The following WWP1 variants were observed in gnomAD, a reference collection of about 807,000 sequenced individuals.
WWP1 encodes the protein WW domain containing E3 ubiquitin protein ligase 1, also known as NEDD4-like E3 ubiquitin-protein ligase WWP1.
In WWP1, 49 loss-of-function variants were observed where a neutral mutation model predicts 130.6. The ratio of observed to expected loss-of-function variants is 0.38; its 90% CI spans 0.30 to 0.48. WWP1 has a LOEUF of 0.48. Ranked by LOEUF, WWP1 falls within the 20% of genes least tolerant of loss-of-function variation. The pLI is 0.99. For missense variants in WWP1, 809 were observed against 1,100.6 expected (o/e 0.74, Z 3.75); for synonymous variants, 332 against 367.8 (o/e 0.90, Z 1.11).
intron 1 of WWP1, among the ~76,000 whole-genome samples, chr8:86,350,592 A>C (rs1822861059): frequency 6.6e-6 from 1 of 152,240 alleles, no homozygotes; most frequent in Non-Finnish European, 1.5e-5. Context: ...GCCAGGGCAC[A>C]AAGAAGGGCA....
chr8:86,428,904 G>A (rs1390465985), intron 11 of WWP1, among the ~76,000 whole-genome samples: 1 of 152,130 alleles, frequency 6.6e-6, no homozygotes, highest in Admixed American at 6.6e-5. Flanking sequence ...GGTGAACAGG[G>A]CAGAATGAGG....
In WWP1 at chr8:86,452,606, A is replaced by T. The variant is rs1044127879; in HGVS notation, c.2321A>T (p.Lys774Ile). 5 of 1,613,038 alleles carry T rather than the reference A, an allele frequency of 3.1e-6. No homozygotes were observed. The African/African-American group carries it at 5.3e-5, about 17-fold the overall frequency. Residue 774 changes from lysine (K) to isoleucine (I), a missense_variant, in exon 21 of 25, where the codon AAA becomes ATA. Transcript: ENST00000517970. ...TCTCGAGGAGTACAAGAACAGACCA[A>T]AGCTTTCCTTGATGGTTTTAATGAA... ...RFSRGVQEQT[K>I]AFLDGFNEVV...
chr8:86,447,638 G>C (rs1474677996), intron 18 of WWP1, among the ~76,000 whole-genome samples: 2 of 152,120 alleles, frequency 1.3e-5, no homozygotes, highest in African/African-American at 4.8e-5. Context: ...TCATGAGGGG[G>C]CTAAGGTAGT....
chr8:86,426,405 A>G (rs1809628063), intron 10 of WWP1, among the ~76,000 whole-genome samples: 2 of 152,202 alleles, frequency 1.3e-5, no homozygotes, highest in South Asian at 4.1e-4. Context: ...GGAGTTTACA[A>G]TCATTTTATA....
chr8:86,379,053 T>C (rs1563479997), intron 3 of WWP1, among the ~76,000 whole-genome samples: 1 of 152,220 alleles, frequency 6.6e-6, no homozygotes, highest in Non-Finnish European at 1.5e-5. Context: ...TCCCTCTGCT[T>C]TTAACACCAT....
intron 3 of WWP1, 79 bp downstream of exon 3, chr8:86,374,199 A>G (rs988103576): frequency 1.7e-6 from 2 of 1,202,858 alleles, no homozygotes; most frequent in Non-Finnish European, 2.4e-6. Context: ...GACTTATTCC[A>G]GAAATAGAAT....
intron 8 of WWP1, among the ~76,000 whole-genome samples, chr8:86,409,320 A>G (rs1808456099): frequency 7.5e-6 from 1 of 132,840 alleles, no homozygotes; most frequent in Non-Finnish European, 1.5e-5. Context: ...TGCAACCTCT[A>G]CCTCCCGGAT....
intron 1 of WWP1, among the ~76,000 whole-genome samples, chr8:86,362,097 T>C (rs60489811): frequency 0.13 from 18,349 of 137,374 alleles, 3,748 homozygotes; most frequent in African/African-American, 0.45. Flanking sequence ...CATATATATA[T>C]ACACTAGGCA....
chr8:86,464,393 A>G (rs1389946450), intron 24 of WWP1, among the ~76,000 whole-genome samples: 1 of 152,212 alleles, frequency 6.6e-6, no homozygotes, highest in Non-Finnish European at 1.5e-5. Context: ...TTTTCCCATT[A>G]AAATGTTATG....
intron 1 of WWP1, among the ~76,000 whole-genome samples, chr8:86,350,906 A>C (rs1822883722): frequency 6.6e-6 from 1 of 152,174 alleles, no homozygotes; most frequent in South Asian, 2.1e-4. Context: ...GAATTAGTTA[A>C]ATGAACCTGT....
At chr8:86,424,485 A>G (rs11783125) in intron 9 of WWP1, among the ~76,000 whole-genome samples, 55,306 of 150,742 alleles carry the variant, frequency 0.37, 10,763 homozygotes, top group Middle Eastern at 0.47. Context: ...GCTAGCCGAG[A>G]TCACGCCACT....
In WWP1 at chr8:86,467,120, GA is replaced by G. The variant is rs1812218424; in HGVS notation, c.*229del. On this transcript the variant is annotated 3_prime_UTR_variant, in exon 25 of 25. Coordinates refer to ENST00000517970, the MANE Select transcript of WWP1 (RefSeq NM_007013.4). ...AGGAAAAAGATCATCCTTAAATTTT[GA>G]AGCAAGTGAGAGACTTTATTAAAAA... 2.5e-6 allele frequency: 1 copy of G among 397,042 alleles called. No homozygotes were observed. Among genetic ancestry groups the G allele is most frequent in the African/African-American group, 2.1e-5 (1 of 47,216 alleles). The allele number at this position is 397,042 out of a possible 1,614,324, so 24.6% of individuals were successfully genotyped here. A position where few individuals can be genotyped will look rare whatever the true frequency, so the allele number is the denominator to read the frequency against.
chr8:86,402,168 C>T lies in WWP1; in HGVS notation c.689C>T (p.Pro230Leu), dbSNP rs1305321704. 6.2e-7 allele frequency: 1 copy of T among 1,613,882 alleles called. No homozygotes were observed. Among genetic ancestry groups the T allele is most frequent in the East Asian group, 2.2e-5 (1 of 44,858 alleles). ...GCCAGACCCAAAAATACACCAGCTC[C>T]AAAACCACTCGCATCTGAGCCTGCC... ...VAARPKNTPA[P>L]KPLASEPADD... The change falls in exon 8 of 25, where the codon CCA becomes CTA. Residue 230 changes from proline (P) to leucine (L), a missense_variant. By Grantham distance (98) the Pro-to-Leu change is moderately conservative. Around this residue, in one of 3 missense-constraint regions of WWP1, gnomAD observed 262 missense variants for 346.0 expected, o/e 0.76. Coordinates refer to ENST00000517970, the MANE Select transcript of WWP1 (RefSeq NM_007013.4).
intron 5 of WWP1, among the ~76,000 whole-genome samples, chr8:86,392,082 A>G (rs1025461575): frequency 1.3e-4 from 20 of 152,314 alleles, no homozygotes; most frequent in Middle Eastern, 3.4e-3. Context: ...GTTATCCCTA[A>G]GAGCCTTGAA....
At chr8:86,410,030 A>T (rs553778467) in intron 8 of WWP1, among the ~76,000 whole-genome samples, 3 of 152,278 alleles carry the variant, frequency 2.0e-5, no homozygotes, top group Admixed American at 6.5e-5. Flanking sequence ...TATGACGTTT[A>T]TCCTTTAATC....
At chr8:86,442,354 C>G (rs1040422664) in intron 17 of WWP1, 2 of 228,570 alleles carry the variant, frequency 8.8e-6, no homozygotes, top group Non-Finnish European at 1.7e-5. Context: ...AGGAGACATA[C>G]CCAAGCAAAA....
rs553904962 is a variant in WWP1 at position 86,424,742 on chromosome 8, C to T, written c.1062-481C>T. Among the ~76,000 whole-genome samples the T allele has an allele frequency of 2.0e-5, 3 of 149,634 alleles. No individual in the cohort carries two copies. In the East Asian group the frequency reaches 6.0e-4, roughly 30 times the overall value. On this transcript the variant is annotated intron_variant, in intron 9 of 24. Coordinates refer to ENST00000517970, the MANE Select transcript of WWP1 (RefSeq NM_007013.4). Reference sequence around the variant, plus strand: ...ATCAGGCAGGGAGGTTGCAGTGAGCCGAGATGGCAGCGGTACAGTCCAGCT... The same window carrying T: ...ATCAGGCAGGGAGGTTGCAGTGAGCTGAGATGGCAGCGGTACAGTCCAGCT...
chr8:86,422,323 T>TATGTATGTATGTATGTATG (rs769712215), intron 9 of WWP1, among the ~76,000 whole-genome samples: 1 of 69,492 alleles, frequency 1.4e-5, no homozygotes, highest in African/African-American at 3.2e-5. Flanking sequence ...CAGTTTGTAT[T>TATGTATGTATGTATGTATG]TATTTATTTA....
intron 10 of WWP1, among the ~76,000 whole-genome samples, chr8:86,426,121 A>G (rs1809611273): frequency 6.6e-6 from 1 of 152,242 alleles, no homozygotes; most frequent in Non-Finnish European, 1.5e-5. Flanking sequence ...TTGACCCTAC[A>G]GTGTTAAATG....
Sources: gnomAD v4.1 joint callset for allele counts (sites outside exome capture counted in the v4.1 genomes callset) on GRCh38, gnomAD v4.1.1 for gene constraint, gnomAD v4.1.1 regional missense constraint, MANE v1.5 for transcripts, NCBI Gene and HGNC (gene_info 2026-07-23, HGNC 2026-07-21) for gene names.